ZDHHC7: variants seen among roughly 807,000 people sequenced by gnomAD.
ZDHHC7 encodes the protein zDHHC palmitoyltransferase 7, also known as palmitoyltransferase ZDHHC7.
In ZDHHC7, 12 loss-of-function variants were observed where a neutral mutation model predicts 34.1. That is an observed-to-expected ratio of 0.35 (90% CI 0.23 to 0.57). The LOEUF (loss-of-function observed/expected upper bound fraction) is 0.57, where lower values mean the gene tolerates loss of function less well. Ranked by LOEUF, ZDHHC7 falls within the 20% of genes least tolerant of loss-of-function variation. The pLI is 0.84. For missense variants in ZDHHC7, 388 were observed against 402.7 expected (o/e 0.96, Z 0.31); for synonymous variants, 185 against 155.4 (o/e 1.19, Z -1.42).
At chr16:85,016,044 G>T (rs1354346649), upstream of ZDHHC7, among the ~76,000 whole-genome samples, 1 of 152,072 alleles carries the variant, frequency 6.6e-6, no homozygotes, top group Non-Finnish European at 1.5e-5. Flanking sequence ...TATATATAGT[G>T]AGGCATTTCC....
At chr16:85,001,469 T>TTAAAAAAAAAAAAAAAAAAAA (rs1176312290) in intron 1 of ZDHHC7, among the ~76,000 whole-genome samples, 1 of 27,570 alleles carries the variant, frequency 3.6e-5, no homozygotes, top group Admixed American at 5.3e-4. Flanking sequence ...AGACCCTGTC[T>TTAAAAAAAAAAAAAAAAAAAA]CAAAAAAAAA....
chr16:85,012,310 G>A (rs951412546), upstream of ZDHHC7, among the ~76,000 whole-genome samples: 3 of 151,198 alleles, frequency 2.0e-5, no homozygotes, highest in Admixed American at 6.6e-5. Context: ...CATGAACCCA[G>A]GAGGCGAAGG....
chr16:85,011,074 G>A (rs998271443), intron 1 of ZDHHC7, among the ~76,000 whole-genome samples: 5 of 152,236 alleles, frequency 3.3e-5, no homozygotes, highest in Non-Finnish European at 5.9e-5. Flanking sequence ...GCCCTATCCC[G>A]AGAGAGCAAC....
At chr16:84,993,341 C>T (rs2072534605) in intron 2 of ZDHHC7, among the ~76,000 whole-genome samples, 1 of 152,056 alleles carries the variant, frequency 6.6e-6, no homozygotes, top group Admixed American at 6.6e-5. Flanking sequence ...TAAATAAATA[C>T]ATGCTTAAGG....
At chr16:85,018,835 C>T in the ZDHHC7 span, among the ~76,000 whole-genome samples, 2 of 152,036 alleles carry the variant, frequency 1.3e-5, no homozygotes, top group Non-Finnish European at 2.9e-5. Context: ...AGACTTGTTC[C>T]GGACGGGTGT....
At chr16:85,022,024 G>T in the ZDHHC7 span, among the ~76,000 whole-genome samples, 1 of 151,268 alleles carries the variant, frequency 6.6e-6, no homozygotes, top group Non-Finnish European at 1.5e-5. Flanking sequence ...GCCAGGCGTG[G>T]TGGCGGGCGC....
At position 84,995,972 on chromosome 16, in the gene ZDHHC7, G is replaced by A. The variant is rs1251036875; in HGVS notation, c.-68C>T. The A allele has an allele frequency of 2.6e-5, 4 of 152,166 alleles. No individual in the cohort carries two copies. Among genetic ancestry groups the A allele is most frequent in the Non-Finnish European group, 5.9e-5 (4 of 68,024 alleles). The allele number at this position is 152,166 out of a possible 1,614,324, so 9.4% of individuals were successfully genotyped here. On this transcript the variant is annotated 5_prime_UTR_variant, in exon 2 of 8. Coordinates refer to ENST00000313732, the MANE Select transcript of ZDHHC7 (RefSeq NM_017740.3). ...TTGAACATTTTGTGCCGTTTCTTCAGGATCTTAAGGTGCATACTGTCCTAT... is the reference window on the plus strand; with the variant it reads ...TTGAACATTTTGTGCCGTTTCTTCAAGATCTTAAGGTGCATACTGTCCTAT...
At chr16:84,997,872 G>C (rs2072601286) in intron 1 of ZDHHC7, among the ~76,000 whole-genome samples, 1 of 139,706 alleles carries the variant, frequency 7.2e-6, no homozygotes, top group African/African-American at 2.7e-5. Context: ...CATCCAGCCT[G>C]GGCGACAGAG....
upstream of ZDHHC7, among the ~76,000 whole-genome samples, chr16:85,012,606 A>G (rs1473903616): frequency 6.6e-6 from 1 of 151,948 alleles, no homozygotes; most frequent in Non-Finnish European, 1.5e-5. Context: ...AAGACACCTA[A>G]AGAAAACCAG....
At chr16:84,987,957 C>G (rs1181847505) in intron 3 of ZDHHC7, among the ~76,000 whole-genome samples, 1 of 152,192 alleles carries the variant, frequency 6.6e-6, no homozygotes, top group Non-Finnish European at 1.5e-5. Flanking sequence ...ATCATAAGGT[C>G]AGGAGATCGA....
intron 3 of ZDHHC7, among the ~76,000 whole-genome samples, chr16:84,985,383 C>T (rs2072423159): frequency 6.6e-6 from 1 of 152,248 alleles, no homozygotes; most frequent in Non-Finnish European, 1.5e-5. Flanking sequence ...CATTCTGGAT[C>T]CCCAGGGCCT....
intron 2 of ZDHHC7, among the ~76,000 whole-genome samples, chr16:84,994,043 C>G (rs56361816): frequency 0.16 from 24,879 of 152,188 alleles, 2,453 homozygotes; most frequent in Admixed American, 0.28. Flanking sequence ...CTGGAAGTTT[C>G]TCTGCCTCCG....
intron 1 of ZDHHC7, among the ~76,000 whole-genome samples, chr16:85,010,127 C>A (rs144547483): frequency 5.2e-4 from 78 of 151,228 alleles, no homozygotes; most frequent in African/African-American, 1.9e-3. Flanking sequence ...TCAAGTGATC[C>A]CCCCACCTCA....
chr16:85,002,191 G>A (rs530262791), intron 1 of ZDHHC7, among the ~76,000 whole-genome samples: 46 of 152,242 alleles, frequency 3.0e-4, no homozygotes, highest in African/African-American at 6.5e-4. Context: ...AATACCCAGC[G>A]CCACGAGTCC....
At chr16:84,982,585 CG>C (rs2072384998) in intron 3 of ZDHHC7, among the ~76,000 whole-genome samples, 1 of 152,046 alleles carries the variant, frequency 6.6e-6, no homozygotes, top group Non-Finnish European at 1.5e-5. Flanking sequence ...ATCGGGCAGT[CG>C]GGGAACAAAG....
At chr16:84,978,060 C>CA in intron 5 of ZDHHC7, 55 bp from the exon 6 acceptor site, 1 of 1,422,246 alleles carries the variant, frequency 7.0e-7, no homozygotes, top group Non-Finnish European at 9.8e-7. Context: ...TTTTTAGAAA[C>CA]AGAGTCTCCC....
At chr16:85,022,633 T>C in the ZDHHC7 span, among the ~76,000 whole-genome samples, 5 of 152,124 alleles carry the variant, frequency 3.3e-5, no homozygotes, top group East Asian at 1.9e-4. Flanking sequence ...TGTTGAAAGA[T>C]AGGGTATCTA....
the ZDHHC7 span, among the ~76,000 whole-genome samples, chr16:85,019,544 C>A: frequency 6.6e-6 from 1 of 152,046 alleles, no homozygotes; most frequent in South Asian, 2.1e-4. Context: ...ATGGTGAAAC[C>A]CCGTCTCTAC....
intron 3 of ZDHHC7, among the ~76,000 whole-genome samples, chr16:84,983,124 C>T (rs74031088): frequency 0.016 from 2,417 of 152,302 alleles, 66 homozygotes; most frequent in African/African-American, 0.055. Context: ...TGCCTCTTAG[C>T]CTGGATCCTG....
Sources: allele counts gnomAD v4.1 joint callset (sites outside exome capture counted in the v4.1 genomes callset), GRCh38; gene constraint gnomAD v4.1.1; transcripts MANE v1.5; gene names NCBI Gene and HGNC (gene_info 2026-07-23, HGNC 2026-07-21).